Variants in ROBO2 observed in about 807,000 individuals in gnomAD.
ROBO2 encodes roundabout guidance receptor 2.
Under a neutral mutation model 160.8 loss-of-function variants are expected in ROBO2, and 53 were observed. That is an observed-to-expected ratio of 0.33 (90% CI 0.26 to 0.41). ROBO2 has a LOEUF of 0.41. Among genes scored for constraint, ROBO2 ranks in the 10% least tolerant of loss-of-function variants. The probability of loss-of-function intolerance (pLI) is 1.00; values close to 1 mark genes in which losing one functional copy is unlikely to be tolerated. For missense variants in ROBO2, 1,577 were observed against 1,722.4 expected, an observed-to-expected ratio of 0.92 and a Z score of 1.49; for synonymous variants, 664 against 611.7, an observed-to-expected ratio of 1.09 and a Z score of -1.26.
chr3:76,642,873 G>A (rs749148603), intron 2 of ROBO2, among the ~76,000 whole-genome samples: 5 of 151,962 alleles, frequency 3.3e-5, no homozygotes, highest in South Asian at 2.1e-4. Flanking sequence ...ATGAAAATGC[G>A]TCCATAAGAC....
chr3:75,984,359 A>G (rs1415165741), intron 2 of ROBO2, among the ~76,000 whole-genome samples: 1 of 151,498 alleles, frequency 6.6e-6, no homozygotes, highest in African/African-American at 2.4e-5. Context: ...TTTAACTGTA[A>G]AAAACACAGA....
At chr3:75,937,748 C>T (rs751499880) in intron 2 of ROBO2, 6 of 391,064 alleles carry the variant, frequency 1.5e-5, no homozygotes, top group Non-Finnish European at 2.7e-5. Flanking sequence ...AATGCCTCTG[C>T]ACCAGTTAAA....
rs570957191 is a variant in ROBO2, at chr3:76,949,042, C to T, written c.110-148972C>T. The stretch of plus-strand genomic sequence containing the variant: ...CTGGGATTACAGGCGTGAGCCACCA[C>T]GCCTGGCCATAATTTAAATTTTCAT... On this transcript the variant is annotated intron_variant, in intron 2 of 26. Transcript: ENST00000487694. 7.6e-4 allele frequency among the ~76,000 whole-genome samples: 114 copies of T among 149,984 alleles called. 1 individual carries two copies. The highest frequency in any genetic ancestry group is 1.2e-3 in the Non-Finnish European group (83 of 67,568).
chr3:77,267,368 A>AG (rs757605405), intron 2 of ROBO2, among the ~76,000 whole-genome samples: 8 of 152,166 alleles, frequency 5.3e-5, no homozygotes, highest in Non-Finnish European at 1.0e-4. Flanking sequence ...TGGACATCAC[A>AG]GGGAAACTCG....
intron 2 of ROBO2, among the ~76,000 whole-genome samples, chr3:76,355,881 A>G (rs1203978949): frequency 6.6e-6 from 1 of 151,760 alleles, no homozygotes; most frequent in Non-Finnish European, 1.5e-5. Context: ...TAAAGCTACA[A>G]CAAAGCACAC....
intron 2 of ROBO2, among the ~76,000 whole-genome samples, chr3:76,204,767 T>A (rs1438713066): frequency 6.6e-6 from 1 of 152,198 alleles, no homozygotes; most frequent in Admixed American, 6.5e-5. Context: ...CTTGCAGATA[T>A]CCCATTATGT....
At chr3:76,042,810 A>G (rs1329535645) in intron 2 of ROBO2, among the ~76,000 whole-genome samples, 1 of 152,152 alleles carries the variant, frequency 6.6e-6, no homozygotes, top group Non-Finnish European at 1.5e-5. Context: ...CACTCTGACC[A>G]CCGGTGCATG....
At chr3:76,185,444 A>G (rs779369692) in intron 2 of ROBO2, among the ~76,000 whole-genome samples, 1 of 151,878 alleles carries the variant, frequency 6.6e-6, no homozygotes, top group Admixed American at 6.6e-5. Flanking sequence ...GAGGCAAAAA[A>G]TTATTTGGGA....
chr3:76,584,809 G>A (rs371298447), intron 2 of ROBO2, among the ~76,000 whole-genome samples: 3 of 152,110 alleles, frequency 2.0e-5, no homozygotes, highest in Non-Finnish European at 2.9e-5. Flanking sequence ...GTATAGGAAC[G>A]ACTTCTGTCT....
chr3:76,349,610 T>C (rs192012306), intron 2 of ROBO2, among the ~76,000 whole-genome samples: 2 of 152,194 alleles, frequency 1.3e-5, no homozygotes, highest in East Asian at 3.9e-4. Context: ...ACCTGGAAAA[T>C]GTGCCAAGAA....
intron 2 of ROBO2, among the ~76,000 whole-genome samples, chr3:76,018,924 T>A (rs918730239): frequency 2.6e-5 from 4 of 151,848 alleles, no homozygotes; most frequent in African/African-American, 9.7e-5. Context: ...TGAAGTTCTG[T>A]GCATATCTGA....
chr3:76,078,718 G>A (rs1484323128), intron 2 of ROBO2, among the ~76,000 whole-genome samples: 2 of 143,390 alleles, frequency 1.4e-5, no homozygotes, highest in Non-Finnish European at 3.0e-5. Flanking sequence ...CTTAACTAAT[G>A]TAACACAATA....
chr3:76,513,055 G>C (rs1215224984), intron 2 of ROBO2, among the ~76,000 whole-genome samples: 1 of 152,188 alleles, frequency 6.6e-6, no homozygotes, highest in African/African-American at 2.4e-5. Context: ...AGTGAAGTCT[G>C]ATAAAGGAAT....
intron 2 of ROBO2, among the ~76,000 whole-genome samples, chr3:77,284,222 A>C (rs1050408268): frequency 2.6e-5 from 4 of 152,162 alleles, no homozygotes; most frequent in Non-Finnish European, 5.9e-5. Context: ...ATGGCTTACC[A>C]AGCCCTAAGT....
chr3:76,931,550 G>GACACACACACAC (rs148001909), intron 2 of ROBO2, among the ~76,000 whole-genome samples: 15,459 of 150,548 alleles, frequency 0.1, 874 homozygotes, highest in African/African-American at 0.12. Context: ...TGCTTTATAA[G>GACACACACACAC]ACACATACAC....
intron 2 of ROBO2, among the ~76,000 whole-genome samples, chr3:76,781,637 T>G (rs917835180): frequency 6.6e-6 from 1 of 150,834 alleles, no homozygotes; most frequent in Non-Finnish European, 1.5e-5. Flanking sequence ...TTGTCTCCAT[T>G]GGGATGATCA....
At chr3:76,569,907 T>C (rs1053890797) in intron 2 of ROBO2, among the ~76,000 whole-genome samples, 3 of 152,178 alleles carry the variant, frequency 2.0e-5, no homozygotes, top group African/African-American at 7.2e-5. Context: ...GGAAGATTGC[T>C]TGAACTCAGG....
intron 2 of ROBO2, among the ~76,000 whole-genome samples, chr3:76,519,683 G>A (rs897661081): frequency 7.9e-5 from 12 of 152,278 alleles, no homozygotes; most frequent in African/African-American, 2.9e-4. Flanking sequence ...TGATAGACAT[G>A]AAGCTCATCC....
chr3:76,737,778 C>A (rs750940956), intron 2 of ROBO2, among the ~76,000 whole-genome samples: 2 of 152,140 alleles, frequency 1.3e-5, no homozygotes, highest in Non-Finnish European at 2.9e-5. Flanking sequence ...AAAGTAGAAG[C>A]AATCTATTTG....
Sources: gnomAD v4.1 joint callset for allele counts (sites outside exome capture counted in the v4.1 genomes callset) on GRCh38, gnomAD v4.1.1 for gene constraint, MANE v1.5 for transcripts, NCBI Gene and HGNC (gene_info 2026-07-23, HGNC 2026-07-21) for gene names.